The following CNTNAP4 variants were observed in gnomAD, a reference collection of about 807,000 sequenced individuals.
The protein encoded by CNTNAP4 is contactin-associated protein-like 4.
CNTNAP4 carries 98 observed loss-of-function variants against 148.4 expected under a neutral mutation model. The ratio of observed to expected loss-of-function variants is 0.66; its 90% CI spans 0.56 to 0.78. The LOEUF (loss-of-function observed/expected upper bound fraction) is 0.78. Ranked by LOEUF, CNTNAP4 falls within the 30% of genes least tolerant of loss-of-function variation. CNTNAP4 has a pLI of 0.00. For missense variants in CNTNAP4, 1,935 were observed against 1,565.6 expected, an observed-to-expected ratio of 1.24 and a Z score of -3.98; for synonymous variants, 730 against 565.1, an observed-to-expected ratio of 1.29 and a Z score of -4.14.
At chr16:76,292,924 T>C (rs1484160119) in intron 1 of CNTNAP4, among the ~76,000 whole-genome samples, 2 of 152,136 alleles carry the variant, frequency 1.3e-5, no homozygotes, top group African/African-American at 4.8e-5. Flanking sequence ...TCCTGGAGAG[T>C]GAATATGATT....
At chr16:76,328,204 T>G (rs1486119906) in intron 2 of CNTNAP4, among the ~76,000 whole-genome samples, 1 of 152,236 alleles carries the variant, frequency 6.6e-6, no homozygotes, top group African/African-American at 2.4e-5. Flanking sequence ...CCACCTCATC[T>G]TGGTGATCAA....
chr16:76,371,216 G>A (rs545196230), intron 3 of CNTNAP4, among the ~76,000 whole-genome samples: 45 of 152,272 alleles, frequency 3.0e-4, no homozygotes, highest in Non-Finnish European at 5.9e-4. Context: ...TCTTACACAT[G>A]AGCTCCAGAG....
rs1448968952 is a variant in CNTNAP4, at chr16:76,507,937, C to T, written c.2365+9243C>T. On this transcript the variant is annotated intron_variant, in intron 15 of 23. Coordinates refer to ENST00000611870, the MANE Select transcript of CNTNAP4 (RefSeq NM_033401.5). ...ATCTCCCTAATTCTTTTACCAAACC[C>T]TTTCACACTCAGATTAAAACTCTTC... Among the ~76,000 whole-genome samples the T allele has an allele frequency of 2.1e-5, 2 of 97,476 alleles. 1 individual carries two copies. The highest frequency in any genetic ancestry group is 5.1e-5 in the African/African-American group (2 of 38,888). 63.9% of individuals were successfully genotyped at this position (97,476 alleles called of 152,430 possible). A position where few individuals can be genotyped will look rare whatever the true frequency, so the allele number is the denominator to read the frequency against.
chr16:76,356,227 C>T (rs184679543), intron 3 of CNTNAP4, among the ~76,000 whole-genome samples: 1 of 152,218 alleles, frequency 6.6e-6, no homozygotes, highest in South Asian at 2.1e-4. Context: ...TTTATTTCTT[C>T]TGATAACTGA....
chr16:76,538,167 A>G lies in CNTNAP4; in HGVS notation c.3047A>G (p.Glu1016Gly), dbSNP rs771065877. 1 of 1,597,024 alleles carries G rather than the reference A, an allele frequency of 6.3e-7. No homozygotes were observed. The highest frequency in any genetic ancestry group is 1.1e-5 in the South Asian group (1 of 87,656). Residue 1016 changes from glutamate (E) to glycine (G), a missense_variant, in exon 19 of 24, where the codon GAA (glutamate) becomes GGA (glycine). Physicochemically the swap from Glu to Gly is moderately conservative, Grantham distance 98. Transcript: ENST00000611870. ...TCATCCGTGATATACAATTTTCAAG[A>G]AAATTATCTTTTAAGTAAAAACTCC... ...SGSSVIYNFQ[E>G]NYLLSKNSSS...
chr16:76,518,739 C>T (rs1597034597), intron 15 of CNTNAP4, among the ~76,000 whole-genome samples: 1 of 152,074 alleles, frequency 6.6e-6, no homozygotes. Flanking sequence ...GAAATACAAA[C>T]GACAATGTTC....
rs74026736 is a variant in CNTNAP4 at position 76,360,466 on chromosome 16, G to C, written c.390+4955G>C. On this transcript the variant is annotated intron_variant, in intron 3 of 23. Transcript: ENST00000611870. ...TGTAGGGTAGGTGACTCTCCTCCTT[G>C]TGAGTGGCATTTTTCCTTCCTTATG... 3.6e-3 allele frequency among the ~76,000 whole-genome samples: 541 copies of C among 152,290 alleles called. 3 individuals carry two copies. Among genetic ancestry groups the C allele is most frequent in the African/African-American group, 0.012 (511 of 41,552 alleles).
At position 76,509,281 on chromosome 16, in the gene CNTNAP4, C is replaced by G. The variant is rs1242550729; in HGVS notation, c.2365+10587C>G. ...GTGCATTGTTGGAGCTAAGCAGTAT[C>G]CCTGGTTCCTACCCAAGAGATGCCA... On this transcript the variant is annotated intron_variant, in intron 15 of 23. Transcript: ENST00000611870. 2.1e-5 allele frequency among the ~76,000 whole-genome samples: 2 copies of G among 96,264 alleles called. 1 individual carries two copies. The highest frequency in any genetic ancestry group is 5.9e-5 in the Non-Finnish European group (2 of 33,936). The allele number at this position is 96,264 out of a possible 152,430, so 63.2% of individuals were successfully genotyped here.
intron 3 of CNTNAP4, among the ~76,000 whole-genome samples, chr16:76,393,332 C>A (rs1013233367): frequency 6.6e-6 from 1 of 152,314 alleles, no homozygotes; most frequent in Middle Eastern, 3.4e-3. Flanking sequence ...TGGGGGTCAA[C>A]AAATCCTCCC....
At chr16:76,357,630 C>A (rs1402636293) in intron 3 of CNTNAP4, among the ~76,000 whole-genome samples, 1 of 152,272 alleles carries the variant, frequency 6.6e-6, no homozygotes, top group African/African-American at 2.4e-5. Flanking sequence ...ATCTCAATAT[C>A]CCCAAAGTGT....
chr16:76,487,265 T>C (rs2082060328), intron 12 of CNTNAP4, among the ~76,000 whole-genome samples: 1 of 152,226 alleles, frequency 6.6e-6, no homozygotes, highest in African/African-American at 2.4e-5. Flanking sequence ...ATTCATTCGT[T>C]TGTTTATTCC....
Position 76,486,141 on chromosome 16 carries a change from C to G in CNTNAP4, c.1883-3545C>G, listed in dbSNP as rs184812865. On this transcript the variant is annotated intron_variant, in intron 12 of 23. Coordinates refer to ENST00000611870, the MANE Select transcript of CNTNAP4 (RefSeq NM_033401.5). ...TCTTCAGGGGGAGACGTGAGTAGAC[C>G]CAAACTACCATTCAATGGAGATTTT... Among the ~76,000 whole-genome samples the G allele has an allele frequency of 4.6e-5, 7 of 152,230 alleles. No individual in the cohort carries two copies. The East Asian group carries it at 1.4e-3, about 29-fold the overall frequency.
At chr16:76,493,416 T>C (rs2082294426) in intron 13 of CNTNAP4, among the ~76,000 whole-genome samples, 1 of 152,140 alleles carries the variant, frequency 6.6e-6, no homozygotes, top group Admixed American at 6.6e-5. Flanking sequence ...TATCCACGGG[T>C]ATTTTTTACC....
intron 3 of CNTNAP4, among the ~76,000 whole-genome samples, chr16:76,425,547 T>C (rs906304915): frequency 6.6e-6 from 1 of 152,006 alleles, no homozygotes; most frequent in South Asian, 2.1e-4. Flanking sequence ...GAAATCCCTC[T>C]TAAAATAAAG....
At chr16:76,412,842 GT>G in intron 3 of CNTNAP4, among the ~76,000 whole-genome samples, 1 of 151,324 alleles carries the variant, frequency 6.6e-6, no homozygotes, top group Admixed American at 6.6e-5. Context: ...TAAGAAAATC[GT>G]TGAACTCCTT....
At chr16:76,454,070 A>C (rs1035759304) in intron 8 of CNTNAP4, among the ~76,000 whole-genome samples, 5 of 150,898 alleles carry the variant, frequency 3.3e-5, no homozygotes, top group African/African-American at 9.7e-5. Flanking sequence ...CTTCAGTGCA[A>C]CGTTACTTTG....
chr16:76,364,902 G>A (rs2013922921), intron 3 of CNTNAP4, among the ~76,000 whole-genome samples: 1 of 152,118 alleles, frequency 6.6e-6, no homozygotes, highest in African/African-American at 2.4e-5. Context: ...GTCTATTTTG[G>A]TTTTTGTTGT....
At chr16:76,430,947 A>T (rs1489302081) in intron 4 of CNTNAP4, among the ~76,000 whole-genome samples, 1 of 152,146 alleles carries the variant, frequency 6.6e-6, no homozygotes, top group African/African-American at 2.4e-5. Context: ...GTACTTGCCA[A>T]AAAGAACTAG....
At chr16:76,396,242 C>T (rs1322180830) in intron 3 of CNTNAP4, among the ~76,000 whole-genome samples, 1 of 152,084 alleles carries the variant, frequency 6.6e-6, no homozygotes, top group Non-Finnish European at 1.5e-5. Context: ...TATTCATTTG[C>T]CATTTAATTC....
Sources: gnomAD v4.1 joint callset for allele counts (sites outside exome capture counted in the v4.1 genomes callset) on GRCh38, gnomAD v4.1.1 for gene constraint, MANE v1.5 for transcripts, NCBI Gene and HGNC (gene_info 2026-07-23, HGNC 2026-07-21) for gene names.